Variants in SPINT2 observed in about 807,000 individuals in gnomAD.
SPINT2 encodes the protein kunitz-type protease inhibitor 2.
Under a neutral mutation model 30.1 loss-of-function variants are expected in SPINT2, and 18 were observed. The ratio of observed to expected loss-of-function variants is 0.60; its 90% CI spans 0.41 to 0.89. The LOEUF (loss-of-function observed/expected upper bound fraction) is 0.89, where lower values mean the gene tolerates loss of function less well. SPINT2 is among the 40% of genes least tolerant of loss of function. SPINT2 has a pLI of 0.00. For missense variants in SPINT2, 276 were observed against 334.3 expected, an observed-to-expected ratio of 0.83 and a Z score of 1.36; for synonymous variants, 139 against 137.9, an observed-to-expected ratio of 1.01 and a Z score of -0.05.
At position 38,291,921 on chromosome 19, in the gene SPINT2, G is replaced by A. The variant is rs778192968; in HGVS notation, c.674G>A (p.Arg225Gln). ...ASMVYLIRVARRNQERALRTV... is the reference protein window; with the variant it reads ...ASMVYLIRVAQRNQERALRTV... Reference sequence around the variant, plus strand: ...ATGGTCTACCTGATCCGGGTGGCACGGAGGAACCAGGAGCGTGCCCTGCGC... The same window carrying A: ...ATGGTCTACCTGATCCGGGTGGCACAGAGGAACCAGGAGCGTGCCCTGCGC... The change falls in exon 7 of 7, where the codon CGG becomes CAG. Residue 225 changes from arginine (R) to glutamine (Q), a missense_variant. By Grantham distance (43) the Arg-to-Gln change is conservative. Transcript: ENST00000301244. The A allele has an allele frequency of 2.0e-5, 33 of 1,614,048 alleles. No individual in the cohort carries two copies. Among genetic ancestry groups the A allele is most frequent in the Non-Finnish European group, 2.1e-5 (25 of 1,180,002 alleles).
At chr19:38,288,135 C>T (rs1319427088) in intron 3 of SPINT2, among the ~76,000 whole-genome samples, 200 bp downstream of exon 3, 5 of 152,200 alleles carry the variant, frequency 3.3e-5, no homozygotes, top group African/African-American at 1.2e-4. Context: ...CCAGCTGACA[C>T]AGGGGCCGGG....
At position 38,274,869 on chromosome 19, in the gene SPINT2, CT is replaced by C. The variant is rs556225822; in HGVS notation, c.107-8756del. ...AGACCAGCTTACGGGAGGTGTTGCA[CT>C]TCCCTCTGCCACTGGAGAGACTCTG... On this transcript the variant is annotated intron_variant, in intron 1 of 6. Transcript: ENST00000301244. Among the ~76,000 whole-genome samples, 14 of 151,684 alleles carry C rather than the reference CT, an allele frequency of 9.2e-5. No individual in the cohort carries two copies. The South Asian group carries it at 2.5e-3, about 27-fold the overall frequency.
At chr19:38,280,842 A>G (rs1968573280) in intron 1 of SPINT2, among the ~76,000 whole-genome samples, 1 of 152,168 alleles carries the variant, frequency 6.6e-6, no homozygotes, top group Admixed American at 6.5e-5. Flanking sequence ...TTCACATGCC[A>G]TATGATTCAC....
At chr19:38,274,316 T>G (rs1291531355) in intron 1 of SPINT2, among the ~76,000 whole-genome samples, 2 of 151,890 alleles carry the variant, frequency 1.3e-5, no homozygotes. Flanking sequence ...ATGTTTTTTC[T>G]TTCTTTTTTT....
chr19:38,277,938 CAT>C (rs370874848), intron 1 of SPINT2, among the ~76,000 whole-genome samples: 3 of 152,272 alleles, frequency 2.0e-5, no homozygotes, highest in African/African-American at 7.2e-5. Flanking sequence ...GTTTTGAAAA[CAT>C]ACAGAATGTA....
chr19:38,272,938 T>G (rs1600336154), intron 1 of SPINT2, among the ~76,000 whole-genome samples: 2 of 152,196 alleles, frequency 1.3e-5, no homozygotes, highest in South Asian at 4.1e-4. Context: ...GCCAGGCTGG[T>G]GTTGAACTCC....
intron 1 of SPINT2, among the ~76,000 whole-genome samples, chr19:38,268,447 C>T (rs1044841988): frequency 6.6e-6 from 1 of 152,160 alleles, no homozygotes; most frequent in Admixed American, 6.5e-5. Context: ...ATTTTTTAAA[C>T]GTAAAAATGT....
At chr19:38,291,534 C>G (rs900010428) in intron 6 of SPINT2, 1 of 374,352 alleles carries the variant, frequency 2.7e-6, no homozygotes, top group Middle Eastern at 8.0e-4. Flanking sequence ...GGCTCCTGTG[C>G]AGGTTGCCCT....
In SPINT2 at chr19:38,264,995, C is replaced by T; in HGVS notation, c.103C>T (p.His35Tyr). The T allele has an allele frequency of 6.5e-7, 1 of 1,531,628 alleles. No homozygotes were observed. The highest frequency in any genetic ancestry group is 1.2e-5 in the South Asian group (1 of 83,540). The allele number at this position is 1,531,628 out of a possible 1,614,324, so 94.9% of individuals were successfully genotyped here. A position where few individuals can be genotyped will look rare whatever the true frequency, so the allele number is the denominator to read the frequency against. The change falls in exon 1 of 7, where the codon CAC becomes TAC. Residue 35 changes from histidine (H) to tyrosine (Y), a missense_variant. Transcript: ENST00000301244. The part of the protein sequence containing the change: ...VLAADRERSI[H>Y]DFCLVSKVVG... ...GGCGGCCGACCGAGAACGCAGCATCCACGGTGAGGGCCGGGCGGGTAGGCT... is the reference window on the plus strand; with the variant it reads ...GGCGGCCGACCGAGAACGCAGCATCTACGGTGAGGGCCGGGCGGGTAGGCT...
chr19:38,281,078 G>T lies in SPINT2; in HGVS notation c.107-2549G>T, dbSNP rs561012851. On this transcript the variant is annotated intron_variant, in intron 1 of 6. Coordinates refer to ENST00000301244, the MANE Select transcript of SPINT2 (RefSeq NM_021102.4). Reference sequence around the variant, plus strand: ...GTCCCACGTGGGTCCTCTTCATCTCGTCTTGTTGGTGGCAGTGTTGCTCCC... The same window carrying T: ...GTCCCACGTGGGTCCTCTTCATCTCTTCTTGTTGGTGGCAGTGTTGCTCCC... 1.8e-3 allele frequency among the ~76,000 whole-genome samples: 276 copies of T among 152,232 alleles called. 1 individual carries two copies. Among genetic ancestry groups the T allele is most frequent in the Non-Finnish European group, 3.3e-3 (227 of 68,012 alleles).
chr19:38,288,852 A>C lies in SPINT2; in HGVS notation c.338-286A>C, dbSNP rs111253387. The C allele has an allele frequency of 2.1e-3, 916 of 432,374 alleles. 10 individuals carry two copies. The highest frequency in any genetic ancestry group is 0.017 in the African/African-American group (853 of 49,958). 26.8% of individuals were successfully genotyped at this position (432,374 alleles called of 1,614,324 possible). On this transcript the variant is annotated intron_variant, in intron 3 of 6. Transcript: ENST00000301244. ...GAACATGTCCCCCTCACTGTATTAGAAAGTGTGAACAAGACCGTGTTCCCT... is the reference window on the plus strand; with the variant it reads ...GAACATGTCCCCCTCACTGTATTAGCAAGTGTGAACAAGACCGTGTTCCCT...
intron 1 of SPINT2, among the ~76,000 whole-genome samples, chr19:38,275,759 G>A (rs984500546): frequency 7.4e-6 from 1 of 134,788 alleles, no homozygotes; most frequent in African/African-American, 2.8e-5. Flanking sequence ...GAGAGATGAA[G>A]TTTCACTCTT....
chr19:38,265,039 G>C (rs1260146132), intron 1 of SPINT2, 41 bp downstream of exon 1: 9 of 1,495,688 alleles, frequency 6.0e-6, no homozygotes, highest in Non-Finnish European at 8.0e-6. Flanking sequence ...GGCGCAGGGG[G>C]CAGAGGCTCG....
At chr19:38,282,103 GTGTT>G (rs1278776835) in intron 1 of SPINT2, among the ~76,000 whole-genome samples, 1 of 152,206 alleles carries the variant, frequency 6.6e-6, no homozygotes, top group Non-Finnish European at 1.5e-5. Context: ...AGGCATGTAT[GTGTT>G]TGTTTGTTTT....
In SPINT2 at chr19:38,271,829, G is replaced by A. The variant is rs976953713; in HGVS notation, c.106+6831G>A. On this transcript the variant is annotated intron_variant, in intron 1 of 6. Coordinates refer to ENST00000301244, the MANE Select transcript of SPINT2 (RefSeq NM_021102.4). ...GTGAGACTCCATCTCAGAAAAAAAA[G>A]AGGGCAAGAATTCACATGTTGTTTT... Among the ~76,000 whole-genome samples, 30 of 151,172 alleles carry A rather than the reference G, an allele frequency of 2.0e-4. 1 individual carries two copies. Among genetic ancestry groups the A allele is most frequent in the African/African-American group, 7.3e-5 (3 of 41,130 alleles).
intron 1 of SPINT2, among the ~76,000 whole-genome samples, chr19:38,281,201 A>G (rs1437917686): frequency 1.3e-5 from 2 of 151,984 alleles, no homozygotes; most frequent in East Asian, 3.8e-4. Context: ...GGCATATTGT[A>G]CCTGTTCCAG....
At chr19:38,286,656 G>A (rs181951961) in intron 2 of SPINT2, among the ~76,000 whole-genome samples, 194 of 152,278 alleles carry the variant, frequency 1.3e-3, no homozygotes, top group Non-Finnish European at 1.8e-3. Context: ...GGTGGCGGGC[G>A]CCTGTGGTCC....
chr19:38,279,706 T>C (rs1300989409), intron 1 of SPINT2, among the ~76,000 whole-genome samples: 2 of 152,006 alleles, frequency 1.3e-5, no homozygotes, highest in African/African-American at 2.4e-5. Flanking sequence ...CAGGCTGGAG[T>C]GCGATGGCAA....
At chr19:38,276,319 T>G (rs746355240) in intron 1 of SPINT2, among the ~76,000 whole-genome samples, 1 of 152,234 alleles carries the variant, frequency 6.6e-6, no homozygotes, top group Non-Finnish European at 1.5e-5. Context: ...ACTAGAACCC[T>G]AGGAGTTATT....
Sources: gnomAD v4.1 joint callset for allele counts (sites outside exome capture counted in the v4.1 genomes callset) on GRCh38, gnomAD v4.1.1 for gene constraint, MANE v1.5 for transcripts, NCBI Gene and HGNC (gene_info 2026-07-23, HGNC 2026-07-21) for gene names.